The following LIN28B variants were observed in gnomAD, a reference collection of about 807,000 sequenced individuals.
LIN28B encodes the protein protein lin-28 homolog B.
A neutral mutation model predicts 21.9 loss-of-function variants in LIN28B; 5 were observed. The ratio of observed to expected loss-of-function variants is 0.23; its 90% CI spans 0.12 to 0.48. The LOEUF (loss-of-function observed/expected upper bound fraction) is 0.48, where lower values mean the gene tolerates loss of function less well. Among genes scored for constraint, LIN28B ranks in the 20% least tolerant of loss-of-function variants. The pLI is 0.98. For synonymous variants in LIN28B, 109 were observed against 111.3 expected (o/e 0.98, Z 0.13); for missense variants, 245 against 310.5 (o/e 0.79, Z 1.58).
chr6:104,957,331 C>A, intron 1 of LIN28B, 71 bp downstream of exon 1: 1 of 1,024,700 alleles, frequency 9.8e-7, no homozygotes, highest in Middle Eastern at 2.2e-4. Context: ...CCCTCTCCCA[C>A]CCTTCTTAGA....
At chr6:105,021,679 A>G (rs1451824155) in intron 2 of LIN28B, among the ~76,000 whole-genome samples, 1 of 151,956 alleles carries the variant, frequency 6.6e-6, no homozygotes, top group Non-Finnish European at 1.5e-5. Flanking sequence ...TTTGCTCACT[A>G]TTTTTGTTGT....
At chr6:104,979,592 A>AT (rs1770178236) in intron 2 of LIN28B, among the ~76,000 whole-genome samples, 1 of 136,410 alleles carries the variant, frequency 7.3e-6, no homozygotes, top group African/African-American at 3.1e-5. Flanking sequence ...TTTTCTTGTT[A>AT]AAAAAAAAAA....
chr6:105,000,770 A>T (rs1327388519), intron 2 of LIN28B, among the ~76,000 whole-genome samples: 1 of 152,158 alleles, frequency 6.6e-6, no homozygotes, highest in Non-Finnish European at 1.5e-5. Flanking sequence ...TAAGCAGTTG[A>T]CATATATTCA....
In LIN28B at chr6:105,079,285, A is replaced by G. The variant is rs1582937739; in HGVS notation, c.*502A>G. The G allele has an allele frequency of 6.5e-6, 1 of 152,784 alleles. No individual in the cohort carries two copies. The highest frequency in any genetic ancestry group is 1.9e-4 in the East Asian group (1 of 5,198). The allele number at this position is 152,784 out of a possible 1,614,324, so 9.5% of individuals were successfully genotyped here. On this transcript the variant is annotated 3_prime_UTR_variant, in exon 4 of 4. Coordinates refer to ENST00000345080, the MANE Select transcript of LIN28B (RefSeq NM_001004317.4). Reference sequence around the variant, plus strand: ...CGACTGTTACCTTTTGTGTGAACCAAAGGATACTTCAGATCTCAGAGCTGC... The same window carrying G: ...CGACTGTTACCTTTTGTGTGAACCAGAGGATACTTCAGATCTCAGAGCTGC...
chr6:104,945,989 G>A lies in LIN28B; in HGVS notation c.19-4472G>A, dbSNP rs147771860. On this transcript the variant is annotated intron_variant, in intron 2 of 5. Coordinates refer to the LIN28B transcript ENST00000635857. ...CAAATAAAATTTCTATTTGTAATAT[G>A]GTTGAGAAAATTAAATTTATCTCTG... Among the ~76,000 whole-genome samples the A allele has an allele frequency of 7.2e-3, 1,089 of 152,026 alleles. 11 individuals are homozygous for A. Among genetic ancestry groups the A allele is most frequent in the African/African-American group, 0.024 (1,007 of 41,508 alleles).
intron 2 of LIN28B, among the ~76,000 whole-genome samples, chr6:105,005,551 T>A (rs1770799735): frequency 6.6e-6 from 1 of 152,206 alleles, no homozygotes; most frequent in Non-Finnish European, 1.5e-5. Context: ...GATAGTGAGT[T>A]CTCTTGAGAT....
At chr6:105,063,388 C>A (rs1772157940) in intron 3 of LIN28B, among the ~76,000 whole-genome samples, 1 of 152,162 alleles carries the variant, frequency 6.6e-6, no homozygotes, top group African/African-American at 2.4e-5. Context: ...TCAGGCAATA[C>A]TTTAAGCAAG....
intron 2 of LIN28B, among the ~76,000 whole-genome samples, chr6:105,012,909 A>T (rs886953227): frequency 6.6e-6 from 1 of 152,184 alleles, no homozygotes; most frequent in Admixed American, 6.5e-5. Flanking sequence ...TCCAAAGTAG[A>T]TCTACCATTT....
intron 3 of LIN28B, among the ~76,000 whole-genome samples, chr6:105,066,702 T>C (rs992756245): frequency 2.0e-5 from 3 of 152,150 alleles, no homozygotes; most frequent in Admixed American, 1.3e-4. Context: ...CATTTACATC[T>C]ACTTCTCTAG....
intron 2 of LIN28B, among the ~76,000 whole-genome samples, chr6:104,945,883 TTTG>T (rs1433256561): frequency 2.6e-5 from 4 of 152,054 alleles, no homozygotes; most frequent in African/African-American, 9.7e-5. Context: ...TTATTACTCA[TTTG>T]TTTTTATTTT....
intron 3 of LIN28B, among the ~76,000 whole-genome samples, chr6:105,033,203 T>C (rs1410134572): frequency 6.6e-6 from 1 of 152,192 alleles, no homozygotes; most frequent in Non-Finnish European, 1.5e-5. Flanking sequence ...ATCCTTTTTC[T>C]TGAAATGTTT....
intron 2 of LIN28B, among the ~76,000 whole-genome samples, chr6:104,998,440 T>C (rs1379542098): frequency 1.3e-5 from 2 of 152,180 alleles, no homozygotes; most frequent in Non-Finnish European, 2.9e-5. Flanking sequence ...CTTTGTATAA[T>C]AGTTTATTGT....
At chr6:105,001,102 T>TA (rs572861013) in intron 2 of LIN28B, among the ~76,000 whole-genome samples, 9 of 152,360 alleles carry the variant, frequency 5.9e-5, no homozygotes, top group Admixed American at 2.6e-4. Context: ...GCTACCATCA[T>TA]ATGCAGATAG....
upstream of LIN28B, among the ~76,000 whole-genome samples, chr6:104,954,809 A>G (rs1420379617): frequency 6.6e-6 from 1 of 152,178 alleles, no homozygotes; most frequent in African/African-American, 2.4e-5. Context: ...CAGTTATGGT[A>G]TTCCACTTTT....
intron 3 of LIN28B, among the ~76,000 whole-genome samples, chr6:105,059,416 G>A (rs1003598392): frequency 6.6e-6 from 1 of 152,116 alleles, no homozygotes; most frequent in Non-Finnish European, 1.5e-5. Flanking sequence ...GCTACTGTCT[G>A]TTCTTTCAGT....
intron 2 of LIN28B, among the ~76,000 whole-genome samples, chr6:105,000,362 G>C (rs752226833): frequency 6.6e-6 from 1 of 152,118 alleles, no homozygotes; most frequent in Non-Finnish European, 1.5e-5. Flanking sequence ...CAGTAGTGTG[G>C]TGGGATTTCA....
At chr6:105,023,347 ATATATATAATTATAT>A (rs1771185475) in intron 2 of LIN28B, among the ~76,000 whole-genome samples, 1 of 19,994 alleles carries the variant, frequency 5.0e-5, no homozygotes, top group Non-Finnish European at 7.7e-5. Context: ...ATTATATATA[ATATATATAATTATAT>A]TATATATAAT....
intron 2 of LIN28B, among the ~76,000 whole-genome samples, chr6:105,021,829 T>G (rs1771147173): frequency 6.6e-6 from 1 of 152,188 alleles, no homozygotes; most frequent in Admixed American, 6.5e-5. Flanking sequence ...TTAGTTTAAG[T>G]CTTTTTTGTC....
intron 2 of LIN28B, among the ~76,000 whole-genome samples, chr6:104,989,595 T>G (rs546222705): frequency 0.12 from 17,403 of 139,498 alleles, 1,615 homozygotes; most frequent in African/African-American, 0.19. Context: ...TTTTTTTTTT[T>G]TTTTTTGCAT....
Sources: allele counts gnomAD v4.1 joint callset (sites outside exome capture counted in the v4.1 genomes callset), GRCh38; gene constraint gnomAD v4.1.1; transcripts MANE v1.5; gene names NCBI Gene and HGNC (gene_info 2026-07-23, HGNC 2026-07-21).